PAPPA: variants seen among roughly 807,000 people sequenced by gnomAD.
PAPPA encodes the protein pappalysin 1, also known as pappalysin-1.
In PAPPA, 60 loss-of-function variants were observed where a neutral mutation model predicts 164.0. The observed-to-expected ratio is 0.37, with a 90% CI of 0.30 to 0.45. PAPPA has a LOEUF of 0.45. Ranked by LOEUF, PAPPA falls within the 20% of genes least tolerant of loss-of-function variation. The pLI, the probability that PAPPA is intolerant of heterozygous loss-of-function variation, is 1.00. For missense variants in PAPPA, 1,782 were observed against 2,087.3 expected, an observed-to-expected ratio of 0.85 and a Z score of 2.85; for synonymous variants, 875 against 814.1, an observed-to-expected ratio of 1.07 and a Z score of -1.27.
chr9:116,327,097 C>T (rs185048018), intron 10 of PAPPA, among the ~76,000 whole-genome samples: 66 of 152,320 alleles, frequency 4.3e-4, no homozygotes, highest in Admixed American at 2.1e-3. Context: ...TCCTTATCTC[C>T]TTTTCCATTT....
Position 116,154,437 on chromosome 9 carries a change from G to C in PAPPA, c.265G>C (p.Glu89Gln), listed in dbSNP as rs915528378. The C allele has an allele frequency of 1.6e-5, 21 of 1,274,326 alleles. 1 individual carries two copies. Among genetic ancestry groups the C allele is most frequent in the Non-Finnish European group, 1.8e-5 (18 of 1,009,430 alleles). 78.9% of individuals were successfully genotyped at this position (1,274,326 alleles called of 1,614,324 possible). A position where few individuals can be genotyped will look rare whatever the true frequency, so the allele number is the denominator to read the frequency against. ...QQREARGATE[E>Q]PSPPSRALYF... ...GCGGGAGGCGAGGGGCGCCACCGAG[G>C]AGCCGAGCCCGCCGAGCCGGGCGCT... Residue 89 changes from glutamate to glutamine, a missense_variant, in exon 1 of 22, where the codon GAG (glutamate) becomes CAG (glutamine). By Grantham distance (29) the Glu-to-Gln change is conservative. Coordinates refer to ENST00000328252, the MANE Select transcript of PAPPA (RefSeq NM_002581.5). This position sits in a 1 kb window ranked among gnomAD's most constrained non-coding sequence, Gnocchi z 5.2.
In PAPPA at chr9:116,235,305, G is replaced by C. The variant is rs1381931031; in HGVS notation, c.2400G>C (p.Val800=). The C allele has an allele frequency of 3.1e-6, 5 of 1,614,024 alleles. No individual in the cohort carries two copies. Among genetic ancestry groups the C allele is most frequent in the Non-Finnish European group, 4.2e-6 (5 of 1,180,030 alleles). Residue 800 remains valine, a synonymous_variant, in exon 7 of 22, where the codon GTG becomes GTC. Transcript: ENST00000328252. ...TCCCTGAGTCTCTGACCATTTGGGT[G>C]ACCTTTGTCTCCACTGACTGGGACT... The part of the protein sequence containing the change: ...PLVPESLTIW[V]TFVSTDWDSS...
At chr9:116,239,294 G>A (rs921646695) in intron 7 of PAPPA, among the ~76,000 whole-genome samples, 1 of 152,086 alleles carries the variant, frequency 6.6e-6, no homozygotes, top group Non-Finnish European at 1.5e-5. Flanking sequence ...AATGAGAAAT[G>A]ACACTATCAG....
chr9:116,382,755 C>A (rs1564250426), intron 21 of PAPPA, among the ~76,000 whole-genome samples: 1 of 152,010 alleles, frequency 6.6e-6, no homozygotes, highest in Non-Finnish European at 1.5e-5. Context: ...GCAATAAGTA[C>A]TTTCGGAAAG....
chr9:116,352,827 C>T lies in PAPPA; in HGVS notation c.4086C>T (p.Cys1362=), dbSNP rs2296069. 429 of 1,613,836 alleles carry T rather than the reference C, an allele frequency of 2.7e-4. 5 individuals are homozygous for T. In the East Asian group the frequency reaches 9.5e-3, roughly 36 times the overall value. ...VPNADLQTAR[C]RENKHKVGSF... is the part of the protein sequence containing the mutation. ...ATGCAGACCTCCAGACCGCCCGGTG[C>T]CGAGAGAATAAGCACAAGGTGGGCT... The change falls in exon 16 of 22, where the codon TGC becomes TGT. Residue 1362 remains cysteine (C), a synonymous_variant. Coordinates refer to ENST00000328252, the MANE Select transcript of PAPPA (RefSeq NM_002581.5).
intron 5 of PAPPA, among the ~76,000 whole-genome samples, chr9:116,220,402 A>G (rs1161381113): frequency 6.6e-6 from 1 of 151,222 alleles, no homozygotes. Flanking sequence ...TTTGCTACAG[A>G]CCTCTTCTGG....
At chr9:116,166,476 A>AGTC (rs1225236255) in intron 1 of PAPPA, among the ~76,000 whole-genome samples, 2 of 151,784 alleles carry the variant, frequency 1.3e-5, no homozygotes, top group East Asian at 3.9e-4. Flanking sequence ...GTCTTCACCC[A>AGTC]TTTCCCTCCT....
chr9:116,334,672 T>C (rs1454401282), intron 12 of PAPPA, among the ~76,000 whole-genome samples, 189 bp from the exon 13 acceptor site: 2 of 151,808 alleles, frequency 1.3e-5, no homozygotes, highest in South Asian at 2.1e-4. Context: ...TTGGAAAGAT[T>C]TGGAACCAAG....
intron 21 of PAPPA, among the ~76,000 whole-genome samples, chr9:116,387,133 A>G (rs1846825069): frequency 2.0e-5 from 3 of 152,098 alleles, no homozygotes; most frequent in African/African-American, 7.2e-5. Context: ...ACAGGAATTC[A>G]GTTAACTGAG....
In PAPPA at chr9:116,344,614, C is replaced by A; in HGVS notation, c.3683C>A (p.Ser1228Tyr). The change falls in exon 14 of 22, where the codon TCC (serine) becomes TAC (tyrosine). Residue 1228 changes from serine to tyrosine, a missense_variant. Coordinates refer to ENST00000328252, the MANE Select transcript of PAPPA (RefSeq NM_002581.5). ...GTGGAGAATGCTTCTCTCAATTGCT[C>A]CAGCAGCGACCGCTACCACGGTGCC... ...LAVENASLNC[S>Y]SSDRYHGAQC... is the part of the protein sequence containing the mutation. 6.2e-7 allele frequency: 1 copy of A among 1,614,144 alleles called. No individual in the cohort carries two copies. The highest frequency in any genetic ancestry group is 1.1e-5 in the South Asian group (1 of 91,070).
intron 6 of PAPPA, among the ~76,000 whole-genome samples, chr9:116,230,143 A>G (rs1297431160): frequency 4.6e-5 from 7 of 152,142 alleles, no homozygotes; most frequent in Non-Finnish European, 7.4e-5. Flanking sequence ...TTTTCCTCCT[A>G]TGTAAATTTA....
intron 2 of PAPPA, among the ~76,000 whole-genome samples, chr9:116,203,291 C>T (rs1844192665): frequency 6.6e-6 from 1 of 152,180 alleles, no homozygotes; most frequent in South Asian, 2.1e-4. Flanking sequence ...CAAGTAATTC[C>T]CTTTCCTTGA....
In PAPPA at chr9:116,301,653, A is replaced by T. The variant is rs181003102; in HGVS notation, c.2954-1104A>T. 5.2e-3 allele frequency among the ~76,000 whole-genome samples: 789 copies of T among 152,340 alleles called. 2 individuals carry two copies. The highest frequency in any genetic ancestry group is 8.8e-3 in the Non-Finnish European group (598 of 68,028). ...TCCTTGTCCTTGCAGCTAAGTGAGA[A>T]TCATTGCAGCCGGCTGCAGCTTTAA... On this transcript the variant is annotated intron_variant, in intron 9 of 21. Transcript: ENST00000328252.
chr9:116,373,847 A>G (rs1846608928), intron 19 of PAPPA: 1 of 152,206 alleles, frequency 6.6e-6, no homozygotes, highest in African/African-American at 2.4e-5. Flanking sequence ...GATTTGGGGC[A>G]GGTCATTTAA....
intron 7 of PAPPA, among the ~76,000 whole-genome samples, chr9:116,261,591 T>C (rs1198122374): frequency 6.6e-6 from 1 of 152,198 alleles, no homozygotes; most frequent in Non-Finnish European, 1.5e-5. Context: ...ACCAATAAAC[T>C]TTAATTTATG....
chr9:116,338,089 A>G (rs1846084744), intron 13 of PAPPA, among the ~76,000 whole-genome samples: 1 of 152,232 alleles, frequency 6.6e-6, no homozygotes, highest in Non-Finnish European at 1.5e-5. Flanking sequence ...ACACACATAC[A>G]TGCACATACA....
intron 1 of PAPPA, among the ~76,000 whole-genome samples, chr9:116,169,777 G>A (rs1469257118): frequency 2.0e-5 from 3 of 150,978 alleles, no homozygotes; most frequent in Non-Finnish European, 3.0e-5. Flanking sequence ...TTATCAGAGA[G>A]CTTCAAACAA....
intron 4 of PAPPA, among the ~76,000 whole-genome samples, chr9:116,218,556 G>A (rs764128561): frequency 2.6e-5 from 4 of 152,064 alleles, no homozygotes; most frequent in Admixed American, 6.5e-5. Flanking sequence ...AAATGCAAGC[G>A]TTCTCCCTCA....
intron 14 of PAPPA, 82 bp from the exon 15 acceptor site, chr9:116,346,944 C>T (rs1846217802): frequency 4.2e-6 from 5 of 1,197,752 alleles, no homozygotes; most frequent in Non-Finnish European, 5.8e-6. Flanking sequence ...AGACTCTGAG[C>T]CGTCACCTTG....
Sources: allele counts gnomAD v4.1 joint callset (sites outside exome capture counted in the v4.1 genomes callset), GRCh38; gene constraint gnomAD v4.1.1; non-coding constraint Gnocchi (gnomAD v3.1); transcripts MANE v1.5; gene names NCBI Gene and HGNC (gene_info 2026-07-23, HGNC 2026-07-21).